PRRG1: variants seen among roughly 807,000 people sequenced by gnomAD.
PRRG1 encodes the protein proline rich and Gla domain 1, also known as transmembrane gamma-carboxyglutamic acid protein 1.
In PRRG1, 5 loss-of-function variants were observed where a neutral mutation model predicts 11.8. The observed-to-expected ratio is 0.42, with a 90% CI of 0.22 to 0.89. The LOEUF is 0.89. Ranked by LOEUF, PRRG1 falls within the 40% of genes least tolerant of loss-of-function variation. PRRG1 has a pLI of 0.28. For missense variants in PRRG1, 155 were observed against 166.1 expected, an observed-to-expected ratio of 0.93 and a Z score of 0.37; for synonymous variants, 66 against 60.4, an observed-to-expected ratio of 1.09 and a Z score of -0.43.
chrX:37,436,744 G>A (rs980092217), intron 3 of PRRG1, among the ~76,000 whole-genome samples: 7 of 112,356 alleles, frequency 6.2e-5, no homozygotes, highest in Non-Finnish European at 1.1e-4. Flanking sequence ...GAGAATTCAG[G>A]AAAGAAGGGA....
intron 3 of PRRG1, chrX:37,442,286 C>A: frequency 4.3e-6 from 3 of 701,673 alleles, no homozygotes; most frequent in Non-Finnish European, 5.1e-6. Context: ...AGGGCACATC[C>A]CCATGCAGGC....
intron 1 of PRRG1, among the ~76,000 whole-genome samples, chrX:37,397,755 A>G (rs1348013160): frequency 1.8e-5 from 2 of 111,039 alleles, no homozygotes; most frequent in Admixed American, 9.6e-5. Context: ...TAGTATAACT[A>G]TTAAGGAAGG....
chrX:37,383,199 C>A (rs1931209404), intron 1 of PRRG1, among the ~76,000 whole-genome samples: 1 of 111,789 alleles, frequency 8.9e-6, no homozygotes, highest in East Asian at 2.8e-4. Flanking sequence ...TACAAACAAA[C>A]CCACACTCAT....
chrX:37,375,442 T>C (rs1200317437), intron 1 of PRRG1, among the ~76,000 whole-genome samples: 1 of 111,389 alleles, frequency 9.0e-6, no homozygotes, highest in Non-Finnish European at 1.9e-5. Flanking sequence ...GGATGGAAAA[T>C]GTTTGGGAAA....
At chrX:37,365,363 C>T (rs1389652348) in intron 1 of PRRG1, among the ~76,000 whole-genome samples, 1 of 111,214 alleles carries the variant, frequency 9.0e-6, no homozygotes, top group African/African-American at 3.3e-5. Context: ...AAGTGACTGC[C>T]CTCAGCATAC....
intron 1 of PRRG1, 32 bp downstream of exon 1, chrX:37,349,427 TG>T (rs1422114948): frequency 8.9e-6 from 1 of 112,186 alleles, no homozygotes; most frequent in Non-Finnish European, 1.9e-5. Flanking sequence ...GGTTCCTAGC[TG>T]GGGAAACGTG....
chrX:37,444,939 G>C (rs1414033490), intron 3 of PRRG1, among the ~76,000 whole-genome samples: 1 of 111,184 alleles, frequency 9.0e-6, no homozygotes, highest in Non-Finnish European at 1.9e-5. Flanking sequence ...CCCAAACCCA[G>C]GTTGCCTGAG....
intron 1 of PRRG1, among the ~76,000 whole-genome samples, chrX:37,377,206 T>A (rs1328288919): frequency 1.8e-5 from 2 of 112,409 alleles, no homozygotes; most frequent in African/African-American, 6.4e-5. Flanking sequence ...TAGATAAAGC[T>A]ATTTAAATGA....
chrX:37,362,725 C>G (rs192117462), intron 1 of PRRG1, among the ~76,000 whole-genome samples: 3 of 111,482 alleles, frequency 2.7e-5, no homozygotes, highest in African/African-American at 9.8e-5. Context: ...GTTCCCACTA[C>G]CAGGAACCAG....
chrX:37,441,238 G>A, intron 3 of PRRG1: 2 of 776,855 alleles, frequency 2.6e-6, no homozygotes, highest in South Asian at 1.3e-4. Context: ...CTATTACAGA[G>A]GGGACCAATT....
At chrX:37,364,258 A>G (rs782609472) in intron 1 of PRRG1, among the ~76,000 whole-genome samples, 10 of 111,434 alleles carry the variant, frequency 9.0e-5, no homozygotes, top group Non-Finnish European at 1.9e-4. Flanking sequence ...CCTTGCTGAT[A>G]CAAGCAGGGA....
rs1255629034 is a variant in PRRG1 at position 37,417,504 on chromosome X, A to G, written c.11-8336A>G. On this transcript the variant is annotated intron_variant, in intron 2 of 3. Transcript: ENST00000378628. Reference sequence around the variant, plus strand: ...TGAAAAGTTAACTTTTAATTTTCAGAAATAGTTTAACAATGGTGAAATAAA... The same window carrying G: ...TGAAAAGTTAACTTTTAATTTTCAGGAATAGTTTAACAATGGTGAAATAAA... Among the ~76,000 whole-genome samples the G allele has an allele frequency of 2.7e-5, 3 of 112,044 alleles. No homozygotes were observed. The South Asian group carries it at 1.1e-3, about 40-fold the overall frequency.
At chrX:37,447,433 G>A (rs891308212) in intron 3 of PRRG1, among the ~76,000 whole-genome samples, 1 of 112,057 alleles carries the variant, frequency 8.9e-6, no homozygotes, top group Non-Finnish European at 1.9e-5. Flanking sequence ...TAAACTTAAG[G>A]TCTCATAATC....
At chrX:37,430,350 A>T (rs1556389762) in intron 3 of PRRG1, among the ~76,000 whole-genome samples, 1 of 112,173 alleles carries the variant, frequency 8.9e-6, no homozygotes, top group East Asian at 2.8e-4. Context: ...ACATGTATGC[A>T]TGTAGACATA....
intron 1 of PRRG1, among the ~76,000 whole-genome samples, chrX:37,368,900 T>C (rs937453175): frequency 3.6e-5 from 4 of 111,429 alleles, no homozygotes; most frequent in Non-Finnish European, 7.5e-5. Context: ...ACTTACTTAG[T>C]TAATAATGTG....
chrX:37,449,143 T>C (rs1382206568), intron 3 of PRRG1, among the ~76,000 whole-genome samples: 1 of 111,517 alleles, frequency 9.0e-6, no homozygotes, highest in Non-Finnish European at 1.9e-5. Flanking sequence ...TGCCTTCTAC[T>C]CTCAACAAGG....
chrX:37,354,282 A>T (rs902430228), intron 1 of PRRG1, among the ~76,000 whole-genome samples: 1 of 112,194 alleles, frequency 8.9e-6, no homozygotes. Flanking sequence ...GCATTCAGAC[A>T]GGTTGGTGGA....
intron 3 of PRRG1, among the ~76,000 whole-genome samples, chrX:37,437,307 G>T (rs782792409): frequency 3.6e-5 from 4 of 110,867 alleles, no homozygotes; most frequent in African/African-American, 1.3e-4. Context: ...AGTCAGGGCG[G>T]GGGGGGAGGT....
chrX:37,370,493 A>T (rs962880006), intron 1 of PRRG1, among the ~76,000 whole-genome samples: 21 of 111,581 alleles, frequency 1.9e-4, no homozygotes, highest in African/African-American at 6.8e-4. Context: ...TGTGCCCTCC[A>T]GGGCACAGCT....
Sources: allele counts gnomAD v4.1 joint callset (sites outside exome capture counted in the v4.1 genomes callset), GRCh38; gene constraint gnomAD v4.1.1; transcripts MANE v1.5; gene names NCBI Gene and HGNC (gene_info 2026-07-23, HGNC 2026-07-21).